The following SLC39A11 variants were observed in gnomAD, a reference collection of about 807,000 sequenced individuals.
SLC39A11 encodes the protein solute carrier family 39 member 11.
SLC39A11 carries 33 observed loss-of-function variants against 36.1 expected under a neutral mutation model. That is an observed-to-expected ratio of 0.91 (90% CI 0.69 to 1.22). The LOEUF (loss-of-function observed/expected upper bound fraction) is 1.22, where lower values mean the gene tolerates loss of function less well. Ranked by LOEUF, SLC39A11 falls within the 50% of genes most tolerant of loss-of-function variation. The pLI is 0.00. For synonymous variants in SLC39A11, 166 were observed against 170.3 expected, an observed-to-expected ratio of 0.97 and a Z score of 0.20; for missense variants, 432 against 430.3, an observed-to-expected ratio of 1.00 and a Z score of -0.03.
chr17:72,865,096 T>C (rs1244773279), intron 5 of SLC39A11, among the ~76,000 whole-genome samples: 1 of 152,076 alleles, frequency 6.6e-6, no homozygotes, highest in East Asian at 1.9e-4. Flanking sequence ...AGGTACAAGT[T>C]TGCAACAAAG....
intron 3 of SLC39A11, among the ~76,000 whole-genome samples, chr17:73,071,884 A>G (rs2060172337): frequency 6.6e-6 from 1 of 152,194 alleles, no homozygotes; most frequent in Middle Eastern, 3.2e-3. Context: ...CCTTACACAC[A>G]CAGGCCATCT....
chr17:73,089,126 C>G (rs913598755), intron 1 of SLC39A11, among the ~76,000 whole-genome samples: 1 of 152,168 alleles, frequency 6.6e-6, no homozygotes, highest in Non-Finnish European at 1.5e-5. Context: ...CAGCCTCCCC[C>G]ACATAATCTG....
intron 5 of SLC39A11, among the ~76,000 whole-genome samples, chr17:72,894,542 C>T (rs1309399611): frequency 2.0e-5 from 3 of 148,130 alleles, no homozygotes; most frequent in Non-Finnish European, 4.5e-5. Context: ...TGGTGGCACG[C>T]ACCTGTATTT....
intron 6 of SLC39A11, among the ~76,000 whole-genome samples, chr17:72,737,027 G>A (rs970900791): frequency 1.3e-4 from 20 of 152,204 alleles, no homozygotes; most frequent in African/African-American, 4.6e-4. Context: ...TGTAATGCCA[G>A]CACTCTGGGA....
At position 73,022,526 on chromosome 17, in the gene SLC39A11, C is replaced by T. The variant is rs1340424698; in HGVS notation, c.306+9030G>A. Among the ~76,000 whole-genome samples, 11 of 133,516 alleles carry T rather than the reference C, an allele frequency of 8.2e-5. No homozygotes were observed. The Middle Eastern group carries it at 0.019, about 233-fold the overall frequency. The allele number at this position is 133,516 out of a possible 152,430, so 87.6% of individuals were successfully genotyped here. On this transcript the variant is annotated intron_variant, in intron 4 of 9. Coordinates refer to ENST00000255559, the MANE Select transcript of SLC39A11 (RefSeq NM_139177.4). ...AGGAGAATCGCTTGAACCTGGGAGG[C>T]GAAGGATGCAGTGAGCCAAGATCCC... is the stretch of plus-strand genomic sequence containing the variant.
At chr17:72,842,662 G>A (rs559924728) in intron 6 of SLC39A11, among the ~76,000 whole-genome samples, 1 of 152,186 alleles carries the variant, frequency 6.6e-6, no homozygotes, top group Non-Finnish European at 1.5e-5. Flanking sequence ...AAAGGCTGCA[G>A]TCTCGGGTTG....
intron 4 of SLC39A11, among the ~76,000 whole-genome samples, chr17:72,985,176 G>A (rs1260421009): frequency 6.6e-6 from 1 of 152,228 alleles, no homozygotes; most frequent in African/African-American, 2.4e-5. Flanking sequence ...ATCTGCTCAT[G>A]CTTAAGTGGC....
chr17:72,963,421 C>T (rs913600569), intron 4 of SLC39A11, among the ~76,000 whole-genome samples: 4 of 152,074 alleles, frequency 2.6e-5, no homozygotes, highest in Non-Finnish European at 4.4e-5. Context: ...CCGCCCACCT[C>T]AGCCTCCCAA....
intron 6 of SLC39A11, among the ~76,000 whole-genome samples, chr17:72,793,386 T>C (rs774889691): frequency 1.3e-5 from 2 of 152,110 alleles, no homozygotes; most frequent in Non-Finnish European, 2.9e-5. Context: ...CCCTCCCTAC[T>C]GTCTTTTATT....
chr17:72,675,381 G>C (rs1012814772), intron 7 of SLC39A11, among the ~76,000 whole-genome samples: 1 of 152,206 alleles, frequency 6.6e-6, no homozygotes, highest in Non-Finnish European at 1.5e-5. Flanking sequence ...CTGGGACCTT[G>C]TTCTTGGACT....
At chr17:72,914,867 C>CATGAATAAATAAATAAATAAATAAATAA in intron 5 of SLC39A11, among the ~76,000 whole-genome samples, 2 of 149,444 alleles carry the variant, frequency 1.3e-5, no homozygotes, top group East Asian at 3.9e-4. Flanking sequence ...GACTCTGTCT[C>CATGAATAAATAAATAAATAAATAAATAA]ATAAATAAAT....
chr17:72,903,421 T>C (rs1387120560), intron 5 of SLC39A11, among the ~76,000 whole-genome samples: 1 of 152,154 alleles, frequency 6.6e-6, no homozygotes, highest in Non-Finnish European at 1.5e-5. Flanking sequence ...CCATCTATAA[T>C]ACTCGCTAGT....
intron 4 of SLC39A11, among the ~76,000 whole-genome samples, chr17:72,989,240 A>G (rs2088987535): frequency 6.6e-6 from 1 of 152,244 alleles, no homozygotes; most frequent in South Asian, 2.1e-4. Context: ...ATCCTTACTC[A>G]ATGCCAGAGG....
At chr17:73,085,933 T>C (rs1408045876) in intron 2 of SLC39A11, among the ~76,000 whole-genome samples, 2 of 152,150 alleles carry the variant, frequency 1.3e-5, no homozygotes, top group Non-Finnish European at 2.9e-5. Context: ...CGCACACACA[T>C]ACTACAGTTA....
At chr17:72,941,413 T>C (rs540262427) in intron 5 of SLC39A11, among the ~76,000 whole-genome samples, 8 of 152,296 alleles carry the variant, frequency 5.3e-5, no homozygotes, top group East Asian at 1.9e-4. Context: ...AAAAAATAAA[T>C]TTCTGCAGTT....
intron 7 of SLC39A11, among the ~76,000 whole-genome samples, chr17:72,668,609 G>C (rs56066519): frequency 6.6e-6 from 1 of 152,076 alleles, no homozygotes; most frequent in African/African-American, 2.4e-5. Context: ...AAAGTGAGGA[G>C]AGAGAGCACA....
chr17:72,651,214 C>G (rs2069837009), intron 7 of SLC39A11, among the ~76,000 whole-genome samples: 1 of 152,130 alleles, frequency 6.6e-6, no homozygotes, highest in Admixed American at 6.5e-5. Context: ...TACAATGAGC[C>G]CCTCAGCATC....
intron 5 of SLC39A11, among the ~76,000 whole-genome samples, chr17:72,885,027 A>G (rs1887772531): frequency 6.6e-6 from 1 of 152,216 alleles, no homozygotes; most frequent in Non-Finnish European, 1.5e-5. Flanking sequence ...GAGCACTTGA[A>G]TGATTTGTGT....
chr17:72,863,882 T>C (rs1229628350), intron 5 of SLC39A11, among the ~76,000 whole-genome samples: 2 of 152,182 alleles, frequency 1.3e-5, no homozygotes, highest in African/African-American at 4.8e-5. Context: ...GCCTCCTTTT[T>C]CCCCTTTCCA....
Sources: gnomAD v4.1 joint callset for allele counts (sites outside exome capture counted in the v4.1 genomes callset) on GRCh38, gnomAD v4.1.1 for gene constraint, MANE v1.5 for transcripts, NCBI Gene and HGNC (gene_info 2026-07-23, HGNC 2026-07-21) for gene names.